Variants in NRG1 observed in about 807,000 individuals in gnomAD.
The protein encoded by NRG1 is neuregulin 1, also known as pro-neuregulin-1, membrane-bound isoform.
NRG1 carries 18 observed loss-of-function variants against 63.8 expected under a neutral mutation model. The observed-to-expected ratio is 0.28, with a 90% CI of 0.19 to 0.42. The LOEUF (loss-of-function observed/expected upper bound fraction) is 0.42. Ranked by LOEUF, NRG1 falls within the 10% of genes least tolerant of loss-of-function variation. The pLI, the probability that NRG1 is intolerant of heterozygous loss-of-function variation, is 1.00. For synonymous variants in NRG1, 302 were observed against 301.3 expected, an observed-to-expected ratio of 1.00 and a Z score of -0.02; for missense variants, 762 against 814.7, an observed-to-expected ratio of 0.94 and a Z score of 0.79.
intron 1 of NRG1, among the ~76,000 whole-genome samples, chr8:31,650,324 A>G (rs1462130650): frequency 2.0e-5 from 3 of 152,150 alleles, no homozygotes; most frequent in Non-Finnish European, 4.4e-5. Context: ...AGAAAGTTTC[A>G]ATGGATGCAC....
intron 1 of NRG1, among the ~76,000 whole-genome samples, chr8:31,745,098 G>T (rs1815712401): frequency 6.6e-6 from 1 of 151,944 alleles, no homozygotes; most frequent in African/African-American, 2.4e-5. Context: ...GAATTAGGGA[G>T]AAAATGAGGA....
chr8:32,683,170 C>A (rs573042956), intron 5 of NRG1, among the ~76,000 whole-genome samples: 8 of 152,266 alleles, frequency 5.3e-5, no homozygotes, highest in African/African-American at 1.7e-4. Context: ...CTTGCCATTT[C>A]TGCATTTATG....
chr8:32,652,262 C>A (rs2129547661), intron 5 of NRG1, among the ~76,000 whole-genome samples: 1 of 152,212 alleles, frequency 6.6e-6, no homozygotes, highest in East Asian at 1.9e-4. Context: ...TTTCTTCTCG[C>A]CTTCCTGTTT....
chr8:31,832,732 C>G (rs554939801), intron 1 of NRG1, among the ~76,000 whole-genome samples: 1 of 152,302 alleles, frequency 6.6e-6, no homozygotes, highest in Non-Finnish European at 1.5e-5. Context: ...GTTAGAGCTT[C>G]CTTTGAGCAG....
intron 1 of NRG1, among the ~76,000 whole-genome samples, chr8:32,524,608 G>T (rs1830639090): frequency 6.6e-6 from 1 of 151,986 alleles, no homozygotes; most frequent in Admixed American, 6.6e-5. Context: ...CAGTATCATG[G>T]GTCTAAAACC....
chr8:31,878,833 G>C (rs1234242040), intron 1 of NRG1, among the ~76,000 whole-genome samples: 1 of 152,074 alleles, frequency 6.6e-6, no homozygotes, highest in African/African-American at 2.4e-5. Context: ...CTTCAGTATG[G>C]CCACTTACTT....
At chr8:32,538,479 A>G (rs1563602533) in intron 1 of NRG1, among the ~76,000 whole-genome samples, 1 of 152,204 alleles carries the variant, frequency 6.6e-6, no homozygotes. Context: ...GAAATAAAGC[A>G]CAGAGTAGGT....
At chr8:32,018,787 G>C (rs1815980452) in intron 1 of NRG1, among the ~76,000 whole-genome samples, 1 of 152,194 alleles carries the variant, frequency 6.6e-6, no homozygotes, top group Non-Finnish European at 1.5e-5. Flanking sequence ...GCTATAGGTA[G>C]ATGTATATTT....
At chr8:31,982,720 T>C (rs1282952027) in intron 1 of NRG1, among the ~76,000 whole-genome samples, 2 of 152,110 alleles carry the variant, frequency 1.3e-5, no homozygotes, top group Non-Finnish European at 2.9e-5. Flanking sequence ...GAGAAGTCTC[T>C]GATGGTGTGG....
intron 1 of NRG1, among the ~76,000 whole-genome samples, chr8:31,782,835 C>T (rs1417532086): frequency 6.6e-6 from 1 of 152,132 alleles, no homozygotes; most frequent in African/African-American, 2.4e-5. Context: ...GACAGGCTCA[C>T]ATACGATGCG....
At chr8:31,773,934 A>C (rs1818870602) in intron 1 of NRG1, among the ~76,000 whole-genome samples, 1 of 152,116 alleles carries the variant, frequency 6.6e-6, no homozygotes, top group Admixed American at 6.5e-5. Context: ...TATTGAGGAC[A>C]GATTCTGTGT....
Position 32,742,897 on chromosome 8 carries a change from A to G in NRG1, c.691+164A>G. 6.5e-7 allele frequency: 1 copy of G among 1,536,768 alleles called. No individual in the cohort carries two copies. Among genetic ancestry groups the G allele is most frequent in the East Asian group, 2.3e-5 (1 of 43,554 alleles). ...GTCGCATGAGAACATTAACAAAAGC[A>G]ATTGTATTACTTCCTCTGTTCGCGA... is the stretch of plus-strand genomic sequence containing the variant. On this transcript the variant is annotated intron_variant, in intron 7 of 11. Coordinates refer to ENST00000356819, the Ensembl canonical transcript of NRG1. This position sits in a 1 kb window ranked among gnomAD's most constrained non-coding sequence, Gnocchi z 4.2.
intron 1 of NRG1, among the ~76,000 whole-genome samples, chr8:31,882,283 T>C (rs2129612858): frequency 6.7e-6 from 1 of 148,248 alleles, no homozygotes; most frequent in African/African-American, 2.5e-5. Flanking sequence ...ATAGCATGAT[T>C]TACTGAAGAT....
At chr8:32,309,376 T>C (rs891448252) in intron 1 of NRG1, among the ~76,000 whole-genome samples, 1 of 152,230 alleles carries the variant, frequency 6.6e-6, no homozygotes, top group African/African-American at 2.4e-5. Context: ...GGCCAGATTT[T>C]CTTTTTGCTG....
chr8:31,805,008 G>T (rs1304687391), intron 1 of NRG1, among the ~76,000 whole-genome samples: 1 of 152,120 alleles, frequency 6.6e-6, no homozygotes, highest in Non-Finnish European at 1.5e-5. Flanking sequence ...TTTTTAGTTT[G>T]CTTTTTAGCA....
At chr8:32,186,520 T>A (rs989096616) in intron 1 of NRG1, among the ~76,000 whole-genome samples, 2 of 151,852 alleles carry the variant, frequency 1.3e-5, no homozygotes, top group Non-Finnish European at 2.9e-5. Flanking sequence ...AAGAAATGAT[T>A]CGCATTGTAG....
chr8:32,282,266 T>C (rs962912785), intron 1 of NRG1, among the ~76,000 whole-genome samples: 3 of 152,228 alleles, frequency 2.0e-5, no homozygotes, highest in African/African-American at 7.2e-5. Context: ...TCTCTCTCCA[T>C]CCCCTCTCTC....
chr8:32,378,954 A>AT (rs1157393564), intron 1 of NRG1, among the ~76,000 whole-genome samples: 22 of 151,634 alleles, frequency 1.5e-4, no homozygotes, highest in East Asian at 1.9e-4. Flanking sequence ...TGAACTCATC[A>AT]TTTTTTTTGG....
At chr8:32,055,206 T>C (rs374748730) in intron 1 of NRG1, among the ~76,000 whole-genome samples, 14 of 152,252 alleles carry the variant, frequency 9.2e-5, no homozygotes, top group African/African-American at 2.6e-4. Flanking sequence ...AATGTTGTTA[T>C]ACTTCCTCAA....
Sources: gnomAD v4.1 joint callset for allele counts (sites outside exome capture counted in the v4.1 genomes callset) on GRCh38, gnomAD v4.1.1 for gene constraint, Gnocchi (gnomAD v3.1) non-coding constraint, MANE v1.5 for transcripts, NCBI Gene and HGNC (gene_info 2026-07-23, HGNC 2026-07-21) for gene names.